The following CTNNA3 variants were observed in gnomAD, a reference collection of about 807,000 sequenced individuals.
CTNNA3 encodes catenin alpha-3.
CTNNA3 carries 76 observed loss-of-function variants against 95.7 expected under a neutral mutation model. The ratio of observed to expected loss-of-function variants is 0.79; its 90% CI spans 0.66 to 0.96. CTNNA3 has a LOEUF of 0.96. Ranked by LOEUF, CTNNA3 falls within the 40% of genes least tolerant of loss-of-function variation. The pLI is 0.00. For synonymous variants in CTNNA3, 431 were observed against 374.4 expected (o/e 1.15, Z -1.74); for missense variants, 1,191 against 1,089.8 (o/e 1.09, Z -1.31).
chr10:66,007,253 T>C (rs913605575), intron 15 of CTNNA3, among the ~76,000 whole-genome samples: 3 of 152,184 alleles, frequency 2.0e-5, no homozygotes, highest in Non-Finnish European at 4.4e-5. Flanking sequence ...AAGGGTACAA[T>C]TTAAAAATTT....
chr10:67,080,082 G>C (rs747712096), intron 7 of CTNNA3, among the ~76,000 whole-genome samples: 7 of 152,114 alleles, frequency 4.6e-5, no homozygotes, highest in African/African-American at 9.7e-5. Flanking sequence ...GATCCAAAGA[G>C]GCAGGGAGGG....
At chr10:67,056,389 G>T (rs1364587899) in intron 7 of CTNNA3, among the ~76,000 whole-genome samples, 2 of 152,124 alleles carry the variant, frequency 1.3e-5, no homozygotes, top group East Asian at 3.9e-4. Flanking sequence ...CTGGATTACA[G>T]GAATGCTCGT....
chr10:66,696,771 A>T (rs965363248), intron 9 of CTNNA3, among the ~76,000 whole-genome samples: 7 of 38,648 alleles, frequency 1.8e-4, no homozygotes, highest in Non-Finnish European at 2.9e-4. Context: ...TGTCTCTATT[A>T]AAAAAAAAAA....
chr10:66,964,293 C>T (rs77756103), intron 7 of CTNNA3, among the ~76,000 whole-genome samples: 8 of 148,616 alleles, frequency 5.4e-5, no homozygotes, highest in Non-Finnish European at 1.0e-4. Flanking sequence ...TTTTTTTTTC[C>T]GCATTTCAAT....
intron 1 of CTNNA3, among the ~76,000 whole-genome samples, chr10:67,664,219 T>C (rs933853849): frequency 2.6e-5 from 4 of 152,222 alleles, no homozygotes; most frequent in Non-Finnish European, 5.9e-5. Context: ...GTAGATATTT[T>C]ATCTTATTTA....
chr10:66,135,625 T>C (rs2083306423), intron 13 of CTNNA3, among the ~76,000 whole-genome samples: 1 of 152,134 alleles, frequency 6.6e-6, no homozygotes, highest in Non-Finnish European at 1.5e-5. Flanking sequence ...ATTCATTAGG[T>C]AAAAGTGTTG....
chr10:66,793,181 T>G (rs1225311086), intron 7 of CTNNA3, among the ~76,000 whole-genome samples: 1 of 152,168 alleles, frequency 6.6e-6, no homozygotes, highest in Non-Finnish European at 1.5e-5. Flanking sequence ...GTCTTCACTC[T>G]GTCACCCAGA....
At position 65,913,573 on chromosome 10, in the gene CTNNA3, C is replaced by T. The variant is rs758802156; in HGVS notation, c.*6757G>A. 5 of 152,020 alleles carry T rather than the reference C, an allele frequency of 3.3e-5. No individual in the cohort carries two copies. Among genetic ancestry groups the T allele is most frequent in the African/African-American group, 4.8e-5 (2 of 41,384 alleles). The allele number at this position is 152,020 out of a possible 1,614,324, so 9.4% of individuals were successfully genotyped here. A position where few individuals can be genotyped will look rare whatever the true frequency, so the allele number is the denominator to read the frequency against. On this transcript the variant is annotated 3_prime_UTR_variant, in exon 18 of 18. Transcript: ENST00000433211. ...ATTCTCATATTTATATCCCTATGGA[C>T]ACAATGTATACTAACATGTAAAAAT...
intron 1 of CTNNA3, among the ~76,000 whole-genome samples, chr10:67,719,511 A>G (rs1841165330): frequency 6.6e-6 from 1 of 151,988 alleles, no homozygotes; most frequent in African/African-American, 2.4e-5. Context: ...CTTTGTTCTT[A>G]TTGGTTTCAA....
chr10:67,058,799 A>C (rs549800319), intron 7 of CTNNA3, among the ~76,000 whole-genome samples: 1 of 152,256 alleles, frequency 6.6e-6, no homozygotes, highest in East Asian at 1.9e-4. Context: ...GCATCTACAA[A>C]CCAGAAAATC....
intron 5 of CTNNA3, among the ~76,000 whole-genome samples, chr10:67,419,350 T>A (rs973371217): frequency 2.6e-5 from 4 of 152,220 alleles, no homozygotes; most frequent in Non-Finnish European, 4.4e-5. Context: ...TTCTTATTTT[T>A]AAATTTATTT....
chr10:66,907,282 T>C (rs1371835254), intron 7 of CTNNA3, among the ~76,000 whole-genome samples: 3 of 152,168 alleles, frequency 2.0e-5, no homozygotes, highest in Non-Finnish European at 2.9e-5. Flanking sequence ...TTTTGTGTTT[T>C]AGTAACAATA....
At chr10:67,127,420 A>G (rs1859769287) in intron 7 of CTNNA3, among the ~76,000 whole-genome samples, 1 of 152,204 alleles carries the variant, frequency 6.6e-6, no homozygotes, top group Non-Finnish European at 1.5e-5. Context: ...CTTACATAAA[A>G]TGAACATCAT....
At chr10:66,499,927 G>A (rs2456684) in intron 11 of CTNNA3, among the ~76,000 whole-genome samples, 2 of 151,066 alleles carry the variant, frequency 1.3e-5, no homozygotes, top group Admixed American at 6.6e-5. Context: ...CTCAGCCTCC[G>A]GAGTAGCTGG....
chr10:66,802,753 A>C (rs1367410171), intron 7 of CTNNA3, among the ~76,000 whole-genome samples: 2 of 151,870 alleles, frequency 1.3e-5, no homozygotes, highest in Non-Finnish European at 2.9e-5. Flanking sequence ...TCAGCATGAG[A>C]ATGGATACAT....
chr10:66,913,781 A>G (rs1846343755), intron 7 of CTNNA3, among the ~76,000 whole-genome samples: 1 of 152,186 alleles, frequency 6.6e-6, no homozygotes. Context: ...TACCCCAAGC[A>G]ATCAAAAGAC....
At chr10:66,404,782 G>GTTT (rs3998970) in intron 11 of CTNNA3, among the ~76,000 whole-genome samples, 162 of 149,230 alleles carry the variant, frequency 1.1e-3, no homozygotes, top group South Asian at 7.4e-3. Flanking sequence ...TTTCCTGTGG[G>GTTT]TTTTTTTTTT....
At chr10:67,322,705 A>G (rs747604632) in intron 5 of CTNNA3, among the ~76,000 whole-genome samples, 1 of 152,192 alleles carries the variant, frequency 6.6e-6, no homozygotes, top group East Asian at 1.9e-4. Context: ...CATCTTTATA[A>G]TAGAATAATT....
rs79811907 is a variant in CTNNA3 at position 66,677,007 on chromosome 10, G to A, written c.1282-55223C>T. On this transcript the variant is annotated intron_variant, in intron 9 of 17. Transcript: ENST00000433211. ...CTGGTGGTACTGAGTGGTCAGAAAT[G>A]GGGTATTTGGAAGTAGGAAGAAATA... Among the ~76,000 whole-genome samples, 26 of 152,214 alleles carry A rather than the reference G, an allele frequency of 1.7e-4. No homozygotes were observed. In the East Asian group the frequency reaches 5.0e-3, roughly 29 times the overall value.
Sources: allele counts gnomAD v4.1 joint callset (sites outside exome capture counted in the v4.1 genomes callset), GRCh38; gene constraint gnomAD v4.1.1; transcripts MANE v1.5; gene names NCBI Gene and HGNC (gene_info 2026-07-23, HGNC 2026-07-21).